Variants in TANC2 observed in about 807,000 individuals in gnomAD.
TANC2 encodes tetratricopeptide repeat, ankyrin repeat and coiled-coil containing 2, also known as protein TANC2.
A neutral mutation model predicts 210.5 loss-of-function variants in TANC2; 26 were observed. The observed-to-expected ratio is 0.12, with a 90% CI of 0.09 to 0.17. The LOEUF (loss-of-function observed/expected upper bound fraction) is 0.17, where lower values mean the gene tolerates loss of function less well. TANC2 is among the 10% of genes least tolerant of loss of function. TANC2 has a pLI of 1.00. For synonymous variants in TANC2, 931 were observed against 967.1 expected (o/e 0.96, Z 0.69); for missense variants, 2,129 against 2,608.9 (o/e 0.82, Z 4.01).
intron 7 of TANC2, among the ~76,000 whole-genome samples, chr17:63,218,004 G>C (rs1297100123): frequency 6.6e-6 from 1 of 152,130 alleles, no homozygotes; most frequent in Non-Finnish European, 1.5e-5. Context: ...AACAGCATTG[G>C]TTAGGCACGG....
At chr17:63,376,920 C>T (rs1305146218) in intron 14 of TANC2, among the ~76,000 whole-genome samples, 1 of 151,780 alleles carries the variant, frequency 6.6e-6, no homozygotes, top group Admixed American at 6.6e-5. Context: ...CAGGTTCATG[C>T]CATTCTCCTG....
chr17:63,240,159 A>G (rs2042736016), intron 8 of TANC2, among the ~76,000 whole-genome samples: 1 of 152,198 alleles, frequency 6.6e-6, no homozygotes, highest in Admixed American at 6.5e-5. Flanking sequence ...CCTTGCTCGT[A>G]TATAAATAGA....
intron 2 of TANC2, among the ~76,000 whole-genome samples, chr17:63,072,448 T>C (rs542680330): frequency 1.5e-4 from 23 of 152,242 alleles, no homozygotes; most frequent in African/African-American, 4.8e-4. Flanking sequence ...AAATTTCTTA[T>C]ATTTGTCTTT....
In TANC2 at chr17:63,410,883, A is replaced by AG. The variant is rs1254818862; in HGVS notation, c.3590-628_3590-627insG. 2.0e-5 allele frequency among the ~76,000 whole-genome samples: 3 copies of AG among 150,964 alleles called. No individual in the cohort carries two copies. The East Asian group carries it at 5.8e-4, about 29-fold the overall frequency. ...CTCAAAAAAAAAAAAAAAAAAAAAA[A>AG]AAAAAAGAAGCAGAAGAAAATGCTC... is the stretch of plus-strand genomic sequence containing the variant. On this transcript the variant is annotated intron_variant, in intron 21 of 27. Transcript: ENST00000689528.
intron 2 of TANC2, among the ~76,000 whole-genome samples, chr17:63,032,972 AT>A (rs1054609055): frequency 1.1e-4 from 17 of 152,272 alleles, no homozygotes; most frequent in African/African-American, 4.1e-4. Flanking sequence ...GGGTTCAGTA[AT>A]TTGTCAGAAC....
chr17:63,198,351 C>T (rs1196539855), intron 6 of TANC2, among the ~76,000 whole-genome samples: 1 of 152,070 alleles, frequency 6.6e-6, no homozygotes, highest in Non-Finnish European at 1.5e-5. Flanking sequence ...TGCACCACCA[C>T]ACCCAGCTAA....
At chr17:63,025,630 T>C (rs1006472565) in intron 2 of TANC2, among the ~76,000 whole-genome samples, 3 of 151,666 alleles carry the variant, frequency 2.0e-5, no homozygotes, top group African/African-American at 7.3e-5. Flanking sequence ...ACTTCATCTC[T>C]ACTAAAAATA....
intron 9 of TANC2, among the ~76,000 whole-genome samples, chr17:63,291,335 C>T (rs760583838): frequency 6.6e-6 from 1 of 152,206 alleles, no homozygotes; most frequent in East Asian, 1.9e-4. Flanking sequence ...CTGTCTTCCC[C>T]TAGCCTTCCT....
At chr17:63,194,005 G>C in exon 6 of TANC2, 1 of 1,612,796 alleles carries the variant, frequency 6.2e-7, no homozygotes, top group South Asian at 1.1e-5. Context: ...TGCTGAACAG[G>C]AGCTTGGCCC....
intron 9 of TANC2, among the ~76,000 whole-genome samples, chr17:63,272,835 G>A (rs2043754739): frequency 6.6e-6 from 1 of 152,162 alleles, no homozygotes; most frequent in East Asian, 1.9e-4. Flanking sequence ...TGTAGAGAGT[G>A]TCTGAAATAA....
chr17:63,131,228 ATAAAGTAAAATAT>A (rs1334258730), intron 4 of TANC2, among the ~76,000 whole-genome samples: 1 of 152,258 alleles, frequency 6.6e-6, no homozygotes, highest in Admixed American at 6.5e-5. Context: ...GCACAGTTTC[ATAAAGTAAAATAT>A]TTAATGGCAA....
intron 9 of TANC2, among the ~76,000 whole-genome samples, chr17:63,302,740 T>A (rs2044762788): frequency 6.6e-6 from 1 of 151,736 alleles, no homozygotes; most frequent in African/African-American, 2.4e-5. Flanking sequence ...CTTGACTCTT[T>A]ATCCGATTTG....
chr17:63,008,939 C>T (rs1390318146), intron 1 of TANC2, among the ~76,000 whole-genome samples: 1 of 152,092 alleles, frequency 6.6e-6, no homozygotes, highest in South Asian at 2.1e-4. Context: ...GTATTTATAG[C>T]TACCTAATTA....
intron 7 of TANC2, among the ~76,000 whole-genome samples, chr17:63,218,201 G>A (rs2042074124): frequency 6.6e-6 from 1 of 151,902 alleles, no homozygotes; most frequent in South Asian, 2.1e-4. Context: ...CCAGGAGTTC[G>A]AGGCTGCAGT....
intron 8 of TANC2, among the ~76,000 whole-genome samples, chr17:63,261,153 A>C (rs2043343823): frequency 6.6e-6 from 1 of 152,078 alleles, no homozygotes. Flanking sequence ...CTGAGGCAGG[A>C]GTATGGCTTG....
chr17:63,385,359 A>T (rs2047744820), intron 15 of TANC2, among the ~76,000 whole-genome samples: 2 of 152,222 alleles, frequency 1.3e-5, no homozygotes, highest in South Asian at 4.1e-4. Flanking sequence ...ATTGAGGCCC[A>T]AGTGGGGAGT....
chr17:63,059,143 T>A (rs960389816), intron 2 of TANC2, among the ~76,000 whole-genome samples: 1 of 152,084 alleles, frequency 6.6e-6, no homozygotes, highest in Non-Finnish European at 1.5e-5. Flanking sequence ...ATGTTTTTTT[T>A]AAAATCTGTT....
intron 5 of TANC2, among the ~76,000 whole-genome samples, chr17:63,173,050 A>G (rs2040457310): frequency 6.6e-6 from 1 of 152,234 alleles, no homozygotes; most frequent in Admixed American, 6.5e-5. Context: ...ACTGGATCAG[A>G]ATTCTGCCAT....
chr17:63,339,790 T>G (rs1215507994), intron 11 of TANC2, among the ~76,000 whole-genome samples: 1 of 152,222 alleles, frequency 6.6e-6, no homozygotes, highest in Non-Finnish European at 1.5e-5. Context: ...TAAGTCTTTA[T>G]TTTCAGACTT....
Sources: allele counts gnomAD v4.1 joint callset (sites outside exome capture counted in the v4.1 genomes callset), GRCh38; gene constraint gnomAD v4.1.1; transcripts MANE v1.5; gene names NCBI Gene and HGNC (gene_info 2026-07-23, HGNC 2026-07-21).